GATAD2A: variants seen among roughly 807,000 people sequenced by gnomAD.
GATAD2A encodes the protein GATA zinc finger domain containing 2A.
A neutral mutation model predicts 68.5 loss-of-function variants in GATAD2A; 12 were observed. That is an observed-to-expected ratio of 0.18 (90% CI 0.11 to 0.28). GATAD2A has a LOEUF of 0.28. Among genes scored for constraint, GATAD2A ranks in the 10% least tolerant of loss-of-function variants. The probability of loss-of-function intolerance (pLI) is 1.00; values close to 1 mark genes in which losing one functional copy is unlikely to be tolerated. For synonymous variants in GATAD2A, 410 were observed against 375.3 expected (o/e 1.09, Z -1.07); for missense variants, 755 against 868.5 (o/e 0.87, Z 1.64).
chr19:19,413,407 C>T (rs2051198812), intron 1 of GATAD2A, among the ~76,000 whole-genome samples: 2 of 152,114 alleles, frequency 1.3e-5, no homozygotes, highest in South Asian at 2.1e-4. Flanking sequence ...GTATCATTGA[C>T]GGAACACCTG....
chr19:19,452,632 GC>G (rs1309536674), intron 1 of GATAD2A, among the ~76,000 whole-genome samples: 1 of 151,906 alleles, frequency 6.6e-6, no homozygotes, highest in Non-Finnish European at 1.5e-5. Flanking sequence ...GCAGGGAGTG[GC>G]AGTAGGCAGG....
intron 2 of GATAD2A, among the ~76,000 whole-genome samples, chr19:19,483,189 A>G (rs558095835): frequency 2.0e-5 from 3 of 152,326 alleles, no homozygotes; most frequent in East Asian, 1.9e-4. Flanking sequence ...AAAGGAGAGC[A>G]GGCAGGGATG....
chr19:19,429,359 C>A, intron 1 of GATAD2A: 1 of 362,982 alleles, frequency 2.8e-6, no homozygotes, highest in Non-Finnish European at 3.8e-6. Flanking sequence ...AGGTCTGGCA[C>A]GGGGAGTAGG....
At chr19:19,385,922 G>T (rs1031379773) in exon 1 of GATAD2A, 1 of 148,772 alleles carries the variant, frequency 6.7e-6, no homozygotes, top group Non-Finnish European at 1.5e-5. Flanking sequence ...TCAGCGCCCC[G>T]GCGCGCGCAC....
chr19:19,488,633 A>C (rs1213522171), intron 2 of GATAD2A, among the ~76,000 whole-genome samples: 1 of 152,228 alleles, frequency 6.6e-6, no homozygotes, highest in Non-Finnish European at 1.5e-5. Context: ...ATTCTATGGA[A>C]GTTCCTGGCA....
chr19:19,444,268 A>T (rs1249234554), intron 1 of GATAD2A, among the ~76,000 whole-genome samples: 1 of 150,588 alleles, frequency 6.6e-6, no homozygotes, highest in Non-Finnish European at 1.5e-5. Context: ...GAGTGGATAA[A>T]GTAGGTGGTT....
chr19:19,411,049 C>A (rs2050859617), intron 1 of GATAD2A, among the ~76,000 whole-genome samples: 1 of 152,212 alleles, frequency 6.6e-6, no homozygotes, highest in Admixed American at 6.5e-5. Flanking sequence ...ATGACACCAC[C>A]CTCATGGCAA....
chr19:19,405,527 G>T (rs1294345034), upstream of GATAD2A, among the ~76,000 whole-genome samples: 1 of 152,104 alleles, frequency 6.6e-6, no homozygotes, highest in Non-Finnish European at 1.5e-5. Flanking sequence ...GCCCAACGAG[G>T]TGTCGCGTGG....
intron 1 of GATAD2A, among the ~76,000 whole-genome samples, chr19:19,386,695 CTCTA>C (rs968264274): frequency 1.3e-5 from 2 of 152,066 alleles, no homozygotes; most frequent in Non-Finnish European, 2.9e-5. Flanking sequence ...AGCCCTGTCT[CTCTA>C]GGCGACCCTG....
At chr19:19,413,692 C>G (rs1038893380) in intron 1 of GATAD2A, among the ~76,000 whole-genome samples, 1 of 152,120 alleles carries the variant, frequency 6.6e-6, no homozygotes, top group Admixed American at 6.6e-5. Context: ...TCAAGCGATT[C>G]TCCTGCCTCA....
chr19:19,428,476 C>A, intron 1 of GATAD2A, among the ~76,000 whole-genome samples: 1 of 152,198 alleles, frequency 6.6e-6, no homozygotes, highest in African/African-American at 2.4e-5. Context: ...TCAGGATGGT[C>A]TGGAGGCCTG....
chr19:19,423,330 C>T (rs574940057), intron 1 of GATAD2A, among the ~76,000 whole-genome samples: 18 of 152,320 alleles, frequency 1.2e-4, no homozygotes, highest in Admixed American at 7.8e-4. Flanking sequence ...TTGGCGTATG[C>T]GGTGGCGGCT....
At chr19:19,493,472 T>C (rs1219782031) in intron 4 of GATAD2A, among the ~76,000 whole-genome samples, 2 of 152,214 alleles carry the variant, frequency 1.3e-5, no homozygotes, top group African/African-American at 2.4e-5. Flanking sequence ...AGGGTCCTGC[T>C]TCTGTTTCTT....
At chr19:19,413,670 C>T (rs535216014) in intron 1 of GATAD2A, among the ~76,000 whole-genome samples, 7 of 152,088 alleles carry the variant, frequency 4.6e-5, no homozygotes, top group Admixed American at 1.3e-4. Flanking sequence ...CTTGAACCTC[C>T]GCCTCCTGGG....
chr19:19,498,717 C>T lies in GATAD2A; in HGVS notation c.1199C>T (p.Thr400Ile). 6.2e-7 allele frequency: 1 copy of T among 1,606,498 alleles called. No homozygotes were observed. Residue 400 changes from threonine to isoleucine, a missense_variant, in exon 8 of 12, where the codon ACA becomes ATA. Physicochemically the swap from Thr to Ile is moderately conservative, Grantham distance 89. Transcript: ENST00000683918. ...GAGGTGGTGCAGAACCTACTGGAGA[C>T]ACAAGGTGAGTGGCCTGGACCCAGC... ...LEEVVQNLLE[T>I]QAGRMSAATV...
intron 5 of GATAD2A, 96 bp from the exon 6 acceptor site, chr19:19,495,658 A>AATT: frequency 1.1e-6 from 1 of 932,288 alleles, no homozygotes; most frequent in Non-Finnish European, 1.6e-6. Context: ...AAAAAAAACT[A>AATT]GTATGTACTT....
chr19:19,499,524 G>A (rs1471341724), intron 8 of GATAD2A, among the ~76,000 whole-genome samples: 1 of 152,006 alleles, frequency 6.6e-6, no homozygotes, highest in Non-Finnish European at 1.5e-5. Context: ...GTGCAGAGAA[G>A]CACCTCCCGC....
chr19:19,429,635 T>C (rs1259803838), intron 1 of GATAD2A, among the ~76,000 whole-genome samples: 1 of 151,062 alleles, frequency 6.6e-6, no homozygotes, highest in Non-Finnish European at 1.5e-5. Flanking sequence ...TGTCTCCTCC[T>C]TCAAGGAGGC....
At chr19:19,459,733 C>T (rs2057257927) in intron 1 of GATAD2A, among the ~76,000 whole-genome samples, 1 of 152,202 alleles carries the variant, frequency 6.6e-6, no homozygotes, top group Admixed American at 6.5e-5. Flanking sequence ...TGTCCTTGGT[C>T]CTGTGGTTGA....
Sources: gnomAD v4.1 joint callset for allele counts (sites outside exome capture counted in the v4.1 genomes callset) on GRCh38, gnomAD v4.1.1 for gene constraint, MANE v1.5 for transcripts, NCBI Gene and HGNC (gene_info 2026-07-23, HGNC 2026-07-21) for gene names.